Variants in CEACAM3 observed in about 807,000 individuals in gnomAD.
The protein encoded by CEACAM3 is cell adhesion molecule CEACAM3.
CEACAM3 carries 32 observed loss-of-function variants against 30.1 expected under a neutral mutation model. The ratio of observed to expected loss-of-function variants is 1.06; its 90% CI spans 0.80 to 1.43. The LOEUF is 1.43. Among genes scored for constraint, CEACAM3 ranks in the 40% most tolerant of loss-of-function variants. The probability of loss-of-function intolerance (pLI) is 0.00; values close to 1 mark genes in which losing one functional copy is unlikely to be tolerated. For missense variants in CEACAM3, 290 were observed against 316.3 expected, an observed-to-expected ratio of 0.92 and a Z score of 0.63; for synonymous variants, 134 against 127.2, an observed-to-expected ratio of 1.05 and a Z score of -0.36.
chr19:41,810,021 A>C lies in CEACAM3; in HGVS notation c.595+4A>C. 6.2e-7 allele frequency: 1 copy of C among 1,613,656 alleles called. No homozygotes were observed. Among genetic ancestry groups the C allele is most frequent in the Non-Finnish European group, 8.5e-7 (1 of 1,179,758 alleles). On this transcript the variant is annotated splice_donor_region_variant and intron_variant, in intron 4 of 6. Transcript: ENST00000357396. Reference sequence around the variant, plus strand: ...CAGCCCCAAGCCCTTGCCCCTGGTGAGTGTCCTCTCAGCCCAGGTGTGGCT... The same window carrying C: ...CAGCCCCAAGCCCTTGCCCCTGGTGCGTGTCCTCTCAGCCCAGGTGTGGCT...
intron 4 of CEACAM3, 103 bp downstream of exon 4, chr19:41,810,120 G>A: frequency 1.5e-6 from 2 of 1,352,260 alleles, no homozygotes; most frequent in Non-Finnish European, 2.1e-6. Flanking sequence ...CCTTTCCCGG[G>A]GGCTGCAAGG....
At chr19:41,797,521 A>T (rs2073111275) in intron 1 of CEACAM3, 68 bp from the exon 2 acceptor site, 1 of 1,554,708 alleles carries the variant, frequency 6.4e-7, no homozygotes, top group Non-Finnish European at 8.7e-7. Flanking sequence ...CTCTCTCAGG[A>T]CCCAGGGCCC....
intron 5 of CEACAM3, 98 bp downstream of exon 5, chr19:41,810,452 C>T (rs2073240114): frequency 7.4e-7 from 1 of 1,349,712 alleles, no homozygotes; most frequent in African/African-American, 1.4e-5. Context: ...ACAGACCCAC[C>T]TTCCCCCAAA....
intron 2 of CEACAM3, chr19:41,807,044 T>A: frequency 6.2e-7 from 1 of 1,602,352 alleles, no homozygotes; most frequent in Non-Finnish European, 8.5e-7. Context: ...TTGATTCTGA[T>A]TAAAATATGC....
At position 41,807,601 on chromosome 19, in the gene CEACAM3, T is replaced by A; in HGVS notation, c.425-1212T>A. 4 of 1,223,388 alleles carry A rather than the reference T, an allele frequency of 3.3e-6. No homozygotes were observed. The South Asian group carries it at 6.2e-5, about 19-fold the overall frequency. The allele number at this position is 1,223,388 out of a possible 1,614,324, so 75.8% of individuals were successfully genotyped here. A position where few individuals can be genotyped will look rare whatever the true frequency, so the allele number is the denominator to read the frequency against. On this transcript the variant is annotated intron_variant, in intron 2 of 6. Coordinates refer to ENST00000357396, the MANE Select transcript of CEACAM3 (RefSeq NM_001815.5). ...CCTGGGAGGCTCAGGGTCCACAGCC[T>A]GTGATGGGAGAAACAGGTGAATATC...
At chr19:41,811,134 A>C in intron 6 of CEACAM3, 38 bp from the exon 7 acceptor site, 1 of 1,604,996 alleles carries the variant, frequency 6.2e-7, no homozygotes, top group Non-Finnish European at 8.5e-7. Flanking sequence ...TGTTCTGAGG[A>C]GACTAGAGGG....
Position 41,810,861 on chromosome 19 carries a change from C to A in CEACAM3, c.657C>A (p.Pro219=). 2 of 1,613,528 alleles carry A rather than the reference C, an allele frequency of 1.2e-6. No individual in the cohort carries two copies. The highest frequency in any genetic ancestry group is 2.2e-5 in the South Asian group (2 of 91,062). ...CCCCTCTCTCCACTGCCCAGGCCCC[C>A]CTACCCAACCCCAGGACAGCAGCTT... ...SMSPLSTAQA[P]LPNPRTAASI... is the part of the protein sequence containing the mutation. The change falls in exon 6 of 7, where the codon CCC becomes CCA. Residue 219 remains proline (P), a synonymous_variant. Coordinates refer to ENST00000357396, the MANE Select transcript of CEACAM3 (RefSeq NM_001815.5).
rs574528942 is a variant in CEACAM3 at position 41,807,331 on chromosome 19, T to C, written c.425-1482T>C. 784 of 1,607,534 alleles carry C rather than the reference T, an allele frequency of 4.9e-4. 7 individuals carry two copies. In the African/African-American group the frequency reaches 9.8e-3, roughly 20 times the overall value. On this transcript the variant is annotated intron_variant, in intron 2 of 6. Transcript: ENST00000357396. The stretch of plus-strand genomic sequence containing the variant: ...GGAATGACACAGGACCCTATGAGTG[T>C]GAAATACCGAACCCAGTGGGTGCCA...
intron 3 of CEACAM3, 167 bp from the exon 4 acceptor site, chr19:41,809,798 C>G (rs1401914605): frequency 4.4e-6 from 3 of 689,544 alleles, no homozygotes; most frequent in Admixed American, 2.2e-5. Flanking sequence ...TTCCTAAAGC[C>G]TTTCCTCAAC....
intron 2 of CEACAM3, chr19:41,807,757 T>C: frequency 1.8e-6 from 1 of 547,842 alleles, no homozygotes; most frequent in Non-Finnish European, 2.9e-6. Context: ...ATCTATGACT[T>C]TATTCTCGCT....
chr19:41,797,813 G>T lies in CEACAM3; in HGVS notation c.289G>T (p.Gly97Cys), dbSNP rs146460004. 6.2e-7 allele frequency: 1 copy of T among 1,612,698 alleles called. No homozygotes were observed. The highest frequency in any genetic ancestry group is 1.4e-5 in the African/African-American group (1 of 73,636). ...AGCTACCCCAGGGGCCGCATACAGC[G>T]GTCGAGAGACAATATACACCAATGC... is the stretch of plus-strand genomic sequence containing the variant. ...QQATPGAAYS[G>C]RETIYTNASL... The change falls in exon 2 of 7, where the codon GGT becomes TGT. Residue 97 changes from glycine to cysteine, a missense_variant. Coordinates refer to ENST00000357396, the MANE Select transcript of CEACAM3 (RefSeq NM_001815.5).
intron 2 of CEACAM3, among the ~76,000 whole-genome samples, chr19:41,798,325 A>T (rs1433999766): frequency 4.6e-5 from 7 of 152,142 alleles, no homozygotes; most frequent in African/African-American, 1.2e-4. Context: ...AACTCTTCCC[A>T]GAACTGAGCC....
chr19:41,807,135 C>T (rs1555826887), intron 2 of CEACAM3: 1 of 1,597,434 alleles, frequency 6.3e-7, no homozygotes, highest in Non-Finnish European at 8.5e-7. Flanking sequence ...CCCTCCATCT[C>T]CAGCAACAAC....
At position 41,796,824 on chromosome 19, in the gene CEACAM3, T is replaced by C. The variant is rs528149788; in HGVS notation, c.64+83T>C. ...TCTCCTGGGGAGGATGGGGCTCTGATAGGGGACAGAAGGCTTCTGCTGAAG... is the reference window on the plus strand; with the variant it reads ...TCTCCTGGGGAGGATGGGGCTCTGACAGGGGACAGAAGGCTTCTGCTGAAG... On this transcript the variant is annotated intron_variant, in intron 1 of 6. Transcript: ENST00000357396. 7 of 1,448,968 alleles carry C rather than the reference T, an allele frequency of 4.8e-6. No homozygotes were observed. In the African/African-American group the frequency reaches 7.1e-5, roughly 15 times the overall value. The allele number at this position is 1,448,968 out of a possible 1,614,324, so 89.8% of individuals were successfully genotyped here.
rs569065757 is a variant in CEACAM3, at chr19:41,805,650, G to A, written c.425-3163G>A. Among the ~76,000 whole-genome samples, 13 of 152,244 alleles carry A rather than the reference G, an allele frequency of 8.5e-5. No homozygotes were observed. The East Asian group carries it at 9.6e-4, about 11-fold the overall frequency. On this transcript the variant is annotated intron_variant, in intron 2 of 6. Transcript: ENST00000357396. ...CTAGGGACCTCGTATTCGTGGAACC[G>A]TACAGTAGTTGTCCTTGTACGACTG...
At chr19:41,801,161 C>T (rs1313152534) in intron 2 of CEACAM3, among the ~76,000 whole-genome samples, 4 of 152,194 alleles carry the variant, frequency 2.6e-5, no homozygotes, top group African/African-American at 9.7e-5. Context: ...ACAGCTTCCT[C>T]CACCCTTAGG....
At chr19:41,801,724 C>A (rs181913746) in intron 2 of CEACAM3, among the ~76,000 whole-genome samples, 1 of 152,194 alleles carries the variant, frequency 6.6e-6, no homozygotes, top group East Asian at 1.9e-4. Context: ...TGAGTGGGGG[C>A]CACAAGACCA....
chr19:41,808,237 T>A (rs2073219099), intron 2 of CEACAM3, among the ~76,000 whole-genome samples: 1 of 152,230 alleles, frequency 6.6e-6, no homozygotes, highest in Non-Finnish European at 1.5e-5. Flanking sequence ...CAGCCTGGAA[T>A]GTTGTACAAA....
intron 2 of CEACAM3, among the ~76,000 whole-genome samples, chr19:41,803,894 A>T (rs1187832998): frequency 6.6e-6 from 1 of 152,076 alleles, no homozygotes; most frequent in African/African-American, 2.4e-5. Flanking sequence ...AGCCTGGCCA[A>T]CATGATGATA....
Sources: gnomAD v4.1 joint callset for allele counts (sites outside exome capture counted in the v4.1 genomes callset) on GRCh38, gnomAD v4.1.1 for gene constraint, MANE v1.5 for transcripts, NCBI Gene and HGNC (gene_info 2026-07-23, HGNC 2026-07-21) for gene names.